Variants in SPRR2B observed in about 807,000 individuals in gnomAD.
SPRR2B encodes small proline-rich protein 2B.
In SPRR2B, 1 loss-of-function variant was observed where a neutral mutation model predicts 1.0. The ratio of observed to expected loss-of-function variants is 1.01; its 90% CI spans 0.36 to 4.77. The LOEUF is 4.77. Among genes scored for constraint, SPRR2B ranks in the 30% most tolerant of loss-of-function variants. The pLI, the probability that SPRR2B is intolerant of heterozygous loss-of-function variation, is 0.16. For synonymous variants in SPRR2B, 27 were observed against 33.4 expected, an observed-to-expected ratio of 0.81 and a Z score of 0.66; for missense variants, 53 against 88.7, an observed-to-expected ratio of 0.60 and a Z score of 1.62.
At chr1:153,081,073 G>A in the SPRR2B span, among the ~76,000 whole-genome samples, 1 of 152,098 alleles carries the variant, frequency 6.6e-6, no homozygotes, top group South Asian at 2.1e-4. Context: ...TTCTGTAAAA[G>A]GCAAACTTAC....
the SPRR2B span, among the ~76,000 whole-genome samples, chr1:153,078,140 A>T: frequency 1.3e-5 from 2 of 152,034 alleles, no homozygotes; most frequent in Non-Finnish European, 2.9e-5. Flanking sequence ...AGAATGAATT[A>T]AAAAAAATAG....
chr1:153,086,413 C>T, the SPRR2B span, among the ~76,000 whole-genome samples: 183 of 152,148 alleles, frequency 1.2e-3, 3 homozygotes, highest in Non-Finnish European at 1.8e-3. Flanking sequence ...AACCAGCAAA[C>T]GTCCAAAAAA....
upstream of SPRR2B, among the ~76,000 whole-genome samples, chr1:153,074,035 A>G (rs182727048): frequency 1.4e-3 from 215 of 152,282 alleles, no homozygotes; most frequent in Non-Finnish European, 2.1e-3. Context: ...TACAGTCAAG[A>G]TAAATAACTG....
At chr1:153,073,462 C>A (rs1014407672), upstream of SPRR2B, among the ~76,000 whole-genome samples, 2 of 147,336 alleles carry the variant, frequency 1.4e-5, no homozygotes, top group Admixed American at 6.6e-5. Flanking sequence ...GAGAACACCC[C>A]ACTCAAACAG....
At chr1:153,078,250 C>G in the SPRR2B span, among the ~76,000 whole-genome samples, 3 of 152,062 alleles carry the variant, frequency 2.0e-5, no homozygotes, top group Admixed American at 6.5e-5. Context: ...TAAATAGTAG[C>G]CAAAAGAGAC....
At chr1:153,079,293 A>C in the SPRR2B span, among the ~76,000 whole-genome samples, 1 of 151,882 alleles carries the variant, frequency 6.6e-6, no homozygotes, top group African/African-American at 2.4e-5. Flanking sequence ...AGATTGCAAA[A>C]ATTTTCTCCA....
chr1:153,075,910 C>A (rs662506), upstream of SPRR2B, among the ~76,000 whole-genome samples: 86,027 of 151,928 alleles, frequency 0.57, 25,138 homozygotes, highest in African/African-American at 0.72. Context: ...TTTAGAACAA[C>A]GGATAATGTT....
the SPRR2B span, among the ~76,000 whole-genome samples, chr1:153,082,888 A>G: frequency 6.6e-6 from 1 of 152,226 alleles, no homozygotes; most frequent in African/African-American, 2.4e-5. Context: ...AGCAAACAGT[A>G]GAGAAAAATC....
At chr1:153,085,437 CCA>C in the SPRR2B span, among the ~76,000 whole-genome samples, 24,428 of 151,876 alleles carry the variant, frequency 0.16, 3,229 homozygotes, top group East Asian at 0.49. Flanking sequence ...GAAAAGAATC[CCA>C]GAGTTCAAAC....
chr1:153,087,137 A>G, the SPRR2B span, among the ~76,000 whole-genome samples: 7 of 152,056 alleles, frequency 4.6e-5, no homozygotes, highest in Non-Finnish European at 1.0e-4. Context: ...AAAATTAGCC[A>G]AACGTGGTAG....
the SPRR2B span, among the ~76,000 whole-genome samples, chr1:153,078,464 T>G: frequency 6.6e-6 from 1 of 152,228 alleles, no homozygotes; most frequent in Non-Finnish European, 1.5e-5. Flanking sequence ...CTGAACCCAG[T>G]AACCCGTCAT....
chr1:153,072,210 A>ATT (rs1265181993), upstream of SPRR2B, among the ~76,000 whole-genome samples: 1 of 152,116 alleles, frequency 6.6e-6, no homozygotes, highest in Admixed American at 6.5e-5. Context: ...AGAACCCCAG[A>ATT]TTTTACCTAT....
the SPRR2B span, among the ~76,000 whole-genome samples, chr1:153,083,925 C>T: frequency 6.6e-6 from 1 of 152,172 alleles, no homozygotes; most frequent in African/African-American, 2.4e-5. Flanking sequence ...AGACTTTAAC[C>T]CTTGGGGAGC....
chr1:153,076,528 G>T (rs1654769283), upstream of SPRR2B, among the ~76,000 whole-genome samples: 2 of 152,116 alleles, frequency 1.3e-5, no homozygotes, highest in South Asian at 4.1e-4. Flanking sequence ...AAAACATTTG[G>T]AGAGAAAAGA....
At chr1:153,083,196 C>G in the SPRR2B span, among the ~76,000 whole-genome samples, 1 of 152,022 alleles carries the variant, frequency 6.6e-6, no homozygotes, top group Non-Finnish European at 1.5e-5. Context: ...AATTGAATCA[C>G]TAATGTAAAA....
chr1:153,086,236 C>G, the SPRR2B span, among the ~76,000 whole-genome samples: 2 of 152,018 alleles, frequency 1.3e-5, no homozygotes, highest in Non-Finnish European at 2.9e-5. Flanking sequence ...GAGTGGCAAA[C>G]TGAAAAAAGA....
upstream of SPRR2B, among the ~76,000 whole-genome samples, chr1:153,072,928 A>G (rs1222024182): frequency 6.6e-6 from 1 of 152,216 alleles, no homozygotes; most frequent in Non-Finnish European, 1.5e-5. Flanking sequence ...ATCTGGGCCA[A>G]TAATCAAGAA....
upstream of SPRR2B, among the ~76,000 whole-genome samples, chr1:153,072,021 C>T (rs1207215809): frequency 6.6e-6 from 1 of 152,188 alleles, no homozygotes; most frequent in Non-Finnish European, 1.5e-5. Context: ...TAACAAAGGC[C>T]TGAGTTCTGG....
chr1:153,071,972 T>A (rs557142350), upstream of SPRR2B, among the ~76,000 whole-genome samples: 25 of 152,304 alleles, frequency 1.6e-4, no homozygotes, highest in African/African-American at 5.8e-4. Context: ...TCTCCACCCC[T>A]TCTTTCCTCG....
Sources: gnomAD v4.1 joint callset for allele counts (sites outside exome capture counted in the v4.1 genomes callset) on GRCh38, gnomAD v4.1.1 for gene constraint, MANE v1.5 for transcripts, NCBI Gene and HGNC (gene_info 2026-07-23, HGNC 2026-07-21) for gene names.